FRY: variants seen among roughly 807,000 people sequenced by gnomAD.
FRY encodes the protein FRY microtubule binding protein.
In FRY, 128 loss-of-function variants were observed where a neutral mutation model predicts 348.4. The observed-to-expected ratio is 0.37, with a 90% confidence interval of 0.32 to 0.43. The LOEUF is 0.43. Ranked by LOEUF, FRY falls within the 20% of genes least tolerant of loss-of-function variation. The pLI, the probability that FRY is intolerant of heterozygous loss-of-function variation, is 1.00. For synonymous variants in FRY, 1,370 were observed against 1,374.7 expected (o/e 1.00, Z 0.08); for missense variants, 2,736 against 3,695.2 (o/e 0.74, Z 6.73).
intron 47 of FRY, among the ~76,000 whole-genome samples, chr13:32,245,573 C>T (rs187611732): frequency 6.6e-6 from 1 of 152,214 alleles, no homozygotes; most frequent in Admixed American, 6.5e-5. Flanking sequence ...GTGATCACAC[C>T]ACTGCACTCC....
At chr13:32,224,788 C>A in intron 37 of FRY, 145 bp from the exon 38 acceptor site, 1 of 686,422 alleles carries the variant, frequency 1.5e-6, no homozygotes. Context: ...TGCTGTGTTA[C>A]AAGTTAAACT....
chr13:32,265,055 A>G (rs905235164), intron 53 of FRY, among the ~76,000 whole-genome samples: 1 of 152,232 alleles, frequency 6.6e-6, no homozygotes, highest in African/African-American at 2.4e-5. Context: ...TCCCAGCTCC[A>G]ATTCTAAGTA....
chr13:32,040,548 A>T (rs1872707611), intron 1 of FRY, among the ~76,000 whole-genome samples: 1 of 152,256 alleles, frequency 6.6e-6, no homozygotes, highest in East Asian at 1.9e-4. Context: ...CTGGATCTCA[A>T]GCCTAACTTT....
intron 37 of FRY, 92 bp downstream of exon 37, chr13:32,224,477 A>G (rs1186889576): frequency 1.7e-6 from 2 of 1,153,216 alleles, no homozygotes; most frequent in East Asian, 2.4e-5. Context: ...GTCCCACCAC[A>G]TTAAATTATC....
At chr13:32,264,067 A>G (rs998351685) in intron 53 of FRY, among the ~76,000 whole-genome samples, 4 of 152,270 alleles carry the variant, frequency 2.6e-5, no homozygotes, top group Non-Finnish European at 5.9e-5. Flanking sequence ...GTCGAGTCCC[A>G]TTTCTGAAGA....
At chr13:32,197,890 A>G in intron 29 of FRY, among the ~76,000 whole-genome samples, 1 of 152,162 alleles carries the variant, frequency 6.6e-6, no homozygotes, top group East Asian at 1.9e-4. Flanking sequence ...ACTACCTCCC[A>G]TATTTATTTT....
intron 56 of FRY, 169 bp downstream of exon 56, chr13:32,275,160 C>CCT: frequency 1.7e-6 from 1 of 594,638 alleles, no homozygotes; most frequent in East Asian, 3.4e-5. Context: ...GGGCGGATCA[C>CCT]AAGGTCAGGA....
At chr13:32,123,886 A>G (rs1026579030) in intron 4 of FRY, among the ~76,000 whole-genome samples, 28 of 152,168 alleles carry the variant, frequency 1.8e-4, no homozygotes, top group African/African-American at 6.0e-4. Context: ...GCTGGAGTGC[A>G]GTGGCATGAT....
intron 1 of FRY, among the ~76,000 whole-genome samples, chr13:32,067,931 C>T (rs1345614522): frequency 1.3e-5 from 2 of 152,102 alleles, no homozygotes; most frequent in African/African-American, 2.4e-5. Flanking sequence ...CCCTCCTTTT[C>T]CTTCCTATTT....
intron 1 of FRY, among the ~76,000 whole-genome samples, chr13:32,077,388 A>T (rs1381385852): frequency 6.6e-6 from 1 of 152,204 alleles, no homozygotes. Flanking sequence ...CTTGGATAGG[A>T]TGCGGCCAGG....
chr13:32,047,588 G>A lies in FRY; in HGVS notation c.70+15723G>A, dbSNP rs115525583. 1.3e-5 allele frequency among the ~76,000 whole-genome samples: 2 copies of A among 148,184 alleles called. 1 individual carries two copies. Among genetic ancestry groups the A allele is most frequent in the Non-Finnish European group, 3.0e-5 (2 of 66,740 alleles). ...TTTTCTTTTCTTTTTTTTTGGGGGG[G>A]GTGCAGAGTTTCACTCTTGTTGCCC... On this transcript the variant is annotated intron_variant, in intron 1 of 60. Transcript: ENST00000542859.
At position 32,109,554 on chromosome 13, in the gene FRY, G is replaced by A. The variant is rs78359091; in HGVS notation, c.324+7538G>A. Reference sequence around the variant, plus strand: ...GGGCCAGGGTATGCCAGGCAGCAGGGGTCTCACAGACAAAGGAGAAGTTGA... The same window carrying A: ...GGGCCAGGGTATGCCAGGCAGCAGGAGTCTCACAGACAAAGGAGAAGTTGA... On this transcript the variant is annotated intron_variant, in intron 3 of 60. Coordinates refer to ENST00000542859, the MANE Select transcript of FRY (RefSeq NM_023037.3). Among the ~76,000 whole-genome samples the A allele has an allele frequency of 4.9e-3, 744 of 152,224 alleles. 11 individuals carry two copies. The highest frequency in any genetic ancestry group is 0.031 in the East Asian group (160 of 5,168).
chr13:32,165,391 T>A (rs1272774061), intron 17 of FRY, among the ~76,000 whole-genome samples: 1 of 152,232 alleles, frequency 6.6e-6, no homozygotes, highest in Admixed American at 6.5e-5. Flanking sequence ...CCTCAATAAT[T>A]CACTTAGTCA....
intron 1 of FRY, among the ~76,000 whole-genome samples, chr13:32,077,764 T>C (rs1269999432): frequency 6.6e-6 from 1 of 152,238 alleles, no homozygotes; most frequent in Non-Finnish European, 1.5e-5. Context: ...TTAATATTGA[T>C]GACACCACCA....
At chr13:32,116,029 C>T (rs941451511) in intron 3 of FRY, among the ~76,000 whole-genome samples, 2 of 152,042 alleles carry the variant, frequency 1.3e-5, no homozygotes, top group South Asian at 2.1e-4. Context: ...AAATAGTCCA[C>T]ACCAAATTCC....
chr13:32,040,179 C>T (rs1872696549), intron 1 of FRY, among the ~76,000 whole-genome samples: 1 of 152,084 alleles, frequency 6.6e-6, no homozygotes. Flanking sequence ...GGTAAAATTC[C>T]ATTGGAATGT....
intron 1 of FRY, among the ~76,000 whole-genome samples, chr13:32,036,194 TAAG>T (rs1872504181): frequency 6.6e-6 from 1 of 152,164 alleles, no homozygotes. Context: ...AGTGGAAAAC[TAAG>T]AAGGTTAACT....
chr13:32,179,011 G>A lies in FRY; in HGVS notation c.2849G>A (p.Gly950Asp). 1 of 1,613,432 alleles carries A rather than the reference G, an allele frequency of 6.2e-7. No homozygotes were observed. Among genetic ancestry groups the A allele is most frequent in the Non-Finnish European group, 8.5e-7 (1 of 1,179,486 alleles). Reference protein sequence around the residue: ...TPEIMATTPDGTVSYDNKAIG... With the variant: ...TPEIMATTPDDTVSYDNKAIG... ...GAAATAATGGCGACCACACCTGATG[G>A]TACAGTGAGCTACGATAACAAGGTG... The change falls in exon 22 of 61, where the codon GGT becomes GAT. Residue 950 changes from glycine to aspartate, a missense_variant. By Grantham distance (94) the Gly-to-Asp change is moderately conservative. Transcript: ENST00000542859.
At chr13:32,188,847 C>G (rs1883173103) in intron 28 of FRY, among the ~76,000 whole-genome samples, 1 of 152,064 alleles carries the variant, frequency 6.6e-6, no homozygotes, top group African/African-American at 2.4e-5. Flanking sequence ...CTCTACTTGT[C>G]TACTGCTGAT....
Sources: allele counts gnomAD v4.1 joint callset (sites outside exome capture counted in the v4.1 genomes callset), GRCh38; gene constraint gnomAD v4.1.1; transcripts MANE v1.5; gene names NCBI Gene and HGNC (gene_info 2026-07-23, HGNC 2026-07-21).